Variants in LNX2 observed in about 807,000 individuals in gnomAD.
The protein encoded by LNX2 is ligand of numb-protein X 2.
LNX2 carries 35 observed loss-of-function variants against 66.2 expected under a neutral mutation model. The observed-to-expected ratio is 0.53, with a 90% CI of 0.40 to 0.70. The LOEUF (loss-of-function observed/expected upper bound fraction) is 0.70. Ranked by LOEUF, LNX2 falls within the 30% of genes least tolerant of loss-of-function variation. The pLI, the probability that LNX2 is intolerant of heterozygous loss-of-function variation, is 0.00. For synonymous variants in LNX2, 337 were observed against 315.6 expected, an observed-to-expected ratio of 1.07 and a Z score of -0.72; for missense variants, 791 against 850.8, an observed-to-expected ratio of 0.93 and a Z score of 0.87.
chr13:27,550,563 C>A, intron 8 of LNX2, 72 bp from the exon 9 acceptor site: 9 of 1,123,710 alleles, frequency 8.0e-6, no homozygotes, highest in Non-Finnish European at 7.7e-6. Flanking sequence ...TTGTTATAAC[C>A]CCATACCATG....
intron 1 of LNX2, among the ~76,000 whole-genome samples, chr13:27,588,740 C>T (rs1158093536): frequency 6.6e-6 from 1 of 152,072 alleles, no homozygotes; most frequent in African/African-American, 2.4e-5. Flanking sequence ...TACTGAAGCT[C>T]CCAAACAGCT....
intron 1 of LNX2, among the ~76,000 whole-genome samples, chr13:27,583,185 T>C (rs978624402): frequency 5.7e-4 from 3 of 5,220 alleles, no homozygotes; most frequent in Admixed American, 2.6e-3. Flanking sequence ...TGTGTGTGTG[T>C]GTGTGTGTGT....
chr13:27,595,180 TG>T (rs1286333889), intron 1 of LNX2, among the ~76,000 whole-genome samples: 3 of 152,194 alleles, frequency 2.0e-5, no homozygotes, highest in African/African-American at 7.2e-5. Flanking sequence ...TTTCCTACCT[TG>T]GGTATCTGCA....
chr13:27,618,721 C>G (rs937290042), intron 1 of LNX2, among the ~76,000 whole-genome samples: 1 of 152,208 alleles, frequency 6.6e-6, no homozygotes, highest in Non-Finnish European at 1.5e-5. Context: ...ATACATGTCC[C>G]TGACTACTAC....
At chr13:27,603,275 G>A (rs1955677877) in intron 1 of LNX2, among the ~76,000 whole-genome samples, 1 of 152,092 alleles carries the variant, frequency 6.6e-6, no homozygotes, top group Admixed American at 6.5e-5. Context: ...ATTCTCATTT[G>A]CTATACTAAA....
At chr13:27,600,196 A>G (rs1283972946) in intron 1 of LNX2, among the ~76,000 whole-genome samples, 1 of 152,176 alleles carries the variant, frequency 6.6e-6, no homozygotes, top group Non-Finnish European at 1.5e-5. Context: ...CAATGACACA[A>G]AATGATCGAG....
chr13:27,550,352 AAGC>A lies in LNX2; in HGVS notation c.1915_1917del (p.Ala639del), dbSNP rs767736796. On this transcript the variant is annotated inframe_deletion, in exon 9 of 10. Coordinates refer to ENST00000316334, the MANE Select transcript of LNX2 (RefSeq NM_153371.4). Reference sequence around the variant, plus strand: ...ACTCACTTTAATCTTCCATCATAATAAGCAGGAGTTCCCAAGACAATAGTTTTA... The same window carrying A: ...ACTCACTTTAATCTTCCATCATAATAAGGAGTTCCCAAGACAATAGTTTTA... The A allele has an allele frequency of 6.2e-7, 1 of 1,613,356 alleles. No homozygotes were observed. The highest frequency in any genetic ancestry group is 1.7e-5 in the Admixed American group (1 of 59,836).
intron 1 of LNX2, among the ~76,000 whole-genome samples, chr13:27,612,465 G>A (rs112966669): frequency 2.3e-3 from 348 of 152,356 alleles, no homozygotes; most frequent in African/African-American, 7.9e-3. Context: ...ACTTTGCAGA[G>A]ACTAGGGCAG....
At chr13:27,592,701 T>C (rs995670432) in intron 1 of LNX2, among the ~76,000 whole-genome samples, 4 of 152,160 alleles carry the variant, frequency 2.6e-5, no homozygotes, top group Non-Finnish European at 4.4e-5. Flanking sequence ...CCTTGGCACC[T>C]TTCTGGGGGA....
intron 1 of LNX2, among the ~76,000 whole-genome samples, chr13:27,593,606 T>C (rs992038502): frequency 5.3e-5 from 8 of 149,720 alleles, no homozygotes; most frequent in African/African-American, 2.0e-4. Context: ...TCACTCTTGT[T>C]GCTCAGGCTG....
chr13:27,617,758 T>C (rs498432), intron 1 of LNX2, among the ~76,000 whole-genome samples: 57,938 of 152,060 alleles, frequency 0.38, 12,752 homozygotes, highest in East Asian at 0.54. Flanking sequence ...ATCCAACAAC[T>C]GCATCATGGA....
chr13:27,549,652 T>G (rs1005012330), intron 9 of LNX2, among the ~76,000 whole-genome samples: 12 of 152,342 alleles, frequency 7.9e-5, no homozygotes, highest in African/African-American at 2.9e-4. Context: ...CCTCATAGGA[T>G]TGTTAAAAAG....
intron 7 of LNX2, among the ~76,000 whole-genome samples, chr13:27,555,669 G>T (rs557905205): frequency 6.6e-6 from 1 of 152,110 alleles, no homozygotes; most frequent in African/African-American, 2.4e-5. Context: ...TGAGGTAGGG[G>T]TTCAACTTCA....
intron 1 of LNX2, among the ~76,000 whole-genome samples, chr13:27,582,225 G>T (rs1253469528): frequency 1.3e-5 from 2 of 151,964 alleles, no homozygotes; most frequent in African/African-American, 4.8e-5. Flanking sequence ...TAGAGACAGG[G>T]TTTCCATGGT....
intron 4 of LNX2, among the ~76,000 whole-genome samples, chr13:27,566,950 C>T (rs925066719): frequency 3.9e-5 from 6 of 152,150 alleles, no homozygotes; most frequent in Non-Finnish European, 8.8e-5. Context: ...CATCCTCCTC[C>T]CCTCATCTCA....
chr13:27,578,332 A>G (rs549009724), intron 2 of LNX2, among the ~76,000 whole-genome samples: 6 of 152,340 alleles, frequency 3.9e-5, no homozygotes, highest in Admixed American at 3.9e-4. Flanking sequence ...CTAAAATCTT[A>G]TGAATTTCAA....
intron 1 of LNX2, among the ~76,000 whole-genome samples, chr13:27,588,272 T>C (rs1397289946): frequency 6.6e-6 from 1 of 152,206 alleles, no homozygotes; most frequent in Non-Finnish European, 1.5e-5. Flanking sequence ...ACAACTCAGA[T>C]GTACTTCCAC....
In LNX2 at chr13:27,569,163, A is replaced by G. The variant is rs771975791; in HGVS notation, c.521T>C (p.Leu174Ser). Reference protein sequence around the residue: ...GPTLLDPAGTLSPEADCLGTG... With the variant: ...GPTLLDPAGTSSPEADCLGTG... ...CCCCAAACAGTCTGCTTCTGGAGATAAGGTACCTGCAGGATCTAGTAGAGT... is the reference window on the plus strand; with the variant it reads ...CCCCAAACAGTCTGCTTCTGGAGATGAGGTACCTGCAGGATCTAGTAGAGT... Residue 174 changes from leucine to serine, a missense_variant, in exon 3 of 10, where the codon TTA becomes TCA. Physicochemically the swap from Leu to Ser is moderately radical, Grantham distance 145 (BLOSUM62 -2). Transcript: ENST00000316334. 1.2e-6 allele frequency: 2 copies of G among 1,612,274 alleles called. No homozygotes were observed. The highest frequency in any genetic ancestry group is 2.2e-5 in the East Asian group (1 of 44,842).
intron 2 of LNX2, among the ~76,000 whole-genome samples, chr13:27,572,391 T>A (rs1159429382): frequency 6.6e-6 from 1 of 152,120 alleles, no homozygotes; most frequent in Non-Finnish European, 1.5e-5. Flanking sequence ...TGACATCTAA[T>A]TAGATTGAGG....
Sources: gnomAD v4.1 joint callset for allele counts (sites outside exome capture counted in the v4.1 genomes callset) on GRCh38, gnomAD v4.1.1 for gene constraint, MANE v1.5 for transcripts, NCBI Gene and HGNC (gene_info 2026-07-23, HGNC 2026-07-21) for gene names.